ESR1: variants seen among roughly 807,000 people sequenced by gnomAD.
The protein encoded by ESR1 is estrogen receptor.
In ESR1, 12 loss-of-function variants were observed where a neutral mutation model predicts 52.7. The observed-to-expected ratio is 0.23, with a 90% confidence interval of 0.15 to 0.37. ESR1 has a LOEUF of 0.37. ESR1 is among the 10% of genes least tolerant of loss of function. The pLI is 1.00. For synonymous variants in ESR1, 305 were observed against 316.8 expected, an observed-to-expected ratio of 0.96 and a Z score of 0.39; for missense variants, 584 against 779.7, an observed-to-expected ratio of 0.75 and a Z score of 2.99.
intron 5 of ESR1, among the ~76,000 whole-genome samples, chr6:152,057,705 A>ACG (rs2047214821): frequency 1.0e-5 from 1 of 96,674 alleles, no homozygotes; most frequent in South Asian, 3.5e-4. Flanking sequence ...ACACACACAC[A>ACG]CACACACACA....
At chr6:151,753,356 C>T (rs1052087068) in intron 2 of ESR1, among the ~76,000 whole-genome samples, 5 of 148,266 alleles carry the variant, frequency 3.4e-5, no homozygotes, top group African/African-American at 7.6e-5. Context: ...GTCTGACTCT[C>T]GCCCAGGCTG....
At chr6:151,782,243 T>C (rs1786613782) in intron 2 of ESR1, among the ~76,000 whole-genome samples, 1 of 152,246 alleles carries the variant, frequency 6.6e-6, no homozygotes, top group Non-Finnish European at 1.5e-5. Flanking sequence ...TATTTTTTTA[T>C]TTATGAAACT....
At chr6:151,854,420 C>T (rs1329268752) in intron 2 of ESR1, among the ~76,000 whole-genome samples, 1 of 152,024 alleles carries the variant, frequency 6.6e-6, no homozygotes, top group East Asian at 1.9e-4. Context: ...CCTCATATTT[C>T]CATTTTCCTT....
intron 2 of ESR1, among the ~76,000 whole-genome samples, chr6:151,770,542 A>G (rs17081672): frequency 0.014 from 2,194 of 152,216 alleles, 53 homozygotes; most frequent in African/African-American, 0.05. Flanking sequence ...TTCAATGTTT[A>G]ACCAACTGAA....
intron 1 of ESR1, among the ~76,000 whole-genome samples, chr6:151,808,694 G>C (rs796234301): frequency 1.3e-5 from 2 of 152,200 alleles, no homozygotes; most frequent in South Asian, 2.1e-4. Flanking sequence ...ATTTGTGGGG[G>C]AAAACACCTC....
intron 6 of ESR1, chr6:152,118,253 C>T (rs899040470): frequency 1.3e-5 from 2 of 152,188 alleles, no homozygotes; most frequent in African/African-American, 4.8e-5. Flanking sequence ...TTGCCTTCAT[C>T]CCATTTCAGG....
At chr6:152,060,904 T>C in intron 5 of ESR1, 87 bp from the exon 6 acceptor site, 1 of 1,075,990 alleles carries the variant, frequency 9.3e-7, no homozygotes, top group East Asian at 2.6e-5. Flanking sequence ...TGGATTTTTA[T>C]GAATGTGAAC....
chr6:151,850,533 A>G lies in ESR1; in HGVS notation c.643+7746A>G, dbSNP rs994432835. Among the ~76,000 whole-genome samples the G allele has an allele frequency of 2.6e-5, 4 of 152,060 alleles. No homozygotes were observed. The East Asian group carries it at 5.8e-4, about 22-fold the overall frequency. ...ACCAAAGATTGCTGGTGCCTAGGAAACTAATATAATAACATAATATTTGGG... is the reference window on the plus strand; with the variant it reads ...ACCAAAGATTGCTGGTGCCTAGGAAGCTAATATAATAACATAATATTTGGG... On this transcript the variant is annotated intron_variant, in intron 2 of 7. Transcript: ENST00000206249.
chr6:151,882,184 T>C (rs6903108), intron 3 of ESR1, among the ~76,000 whole-genome samples: 4,212 of 152,226 alleles, frequency 0.028, 195 homozygotes, highest in African/African-American at 0.095. Flanking sequence ...GAGATTATGA[T>C]GAAGACAAGC....
At position 151,754,832 on chromosome 6, in the gene ESR1, C is replaced by G. The variant is rs543097165; in HGVS notation, c.-71+52827C>G. Among the ~76,000 whole-genome samples the G allele has an allele frequency of 4.6e-5, 7 of 152,318 alleles. No homozygotes were observed. The South Asian group carries it at 1.4e-3, about 32-fold the overall frequency. On this transcript the variant is annotated intron_variant, in intron 2 of 2. Coordinates refer to the ESR1 transcript ENST00000404742. ...AAACACCACCTATCACTCCCTTTCTCCTTGAACTCTAGACGTGTCCATCCA... is the reference window on the plus strand; with the variant it reads ...AAACACCACCTATCACTCCCTTTCTGCTTGAACTCTAGACGTGTCCATCCA...
chr6:152,000,947 C>T (rs562989106), intron 4 of ESR1, among the ~76,000 whole-genome samples: 1 of 152,024 alleles, frequency 6.6e-6, no homozygotes, highest in Non-Finnish European at 1.5e-5. Flanking sequence ...TATGGCAACC[C>T]GAGGAAACTA....
rs1045504693 is a variant in ESR1 at position 151,834,604 on chromosome 6, C to T, written c.453-7993C>T. On this transcript the variant is annotated intron_variant, in intron 1 of 7. Coordinates refer to ENST00000206249, the MANE Select transcript of ESR1 (RefSeq NM_000125.4). ...TAGGAGAAATACCAAATGTAGATGA[C>T]GGGCTGATGGGTGCAGCAAACCACC... is the stretch of plus-strand genomic sequence containing the variant. Among the ~76,000 whole-genome samples the T allele has an allele frequency of 4.6e-5, 7 of 152,058 alleles. No homozygotes were observed. In the East Asian group the frequency reaches 7.7e-4, roughly 17 times the overall value.
At chr6:151,945,396 T>C (rs1044108861) in intron 4 of ESR1, among the ~76,000 whole-genome samples, 3 of 152,202 alleles carry the variant, frequency 2.0e-5, no homozygotes, top group African/African-American at 7.2e-5. Context: ...AAAGAAACTT[T>C]TAGAAAGACA....
intron 3 of ESR1, among the ~76,000 whole-genome samples, chr6:151,937,611 A>C (rs1246762419): frequency 2.6e-5 from 4 of 152,330 alleles, no homozygotes; most frequent in East Asian, 1.9e-4. Context: ...GTATGAAAGG[A>C]GAGAAGGAAA....
At chr6:152,039,503 T>C (rs1190941609) in intron 5 of ESR1, among the ~76,000 whole-genome samples, 1 of 152,144 alleles carries the variant, frequency 6.6e-6, no homozygotes. Flanking sequence ...AAATCATTAT[T>C]GTGTCTCCTG....
chr6:151,747,738 C>T (rs1344403852), intron 2 of ESR1, among the ~76,000 whole-genome samples: 3 of 152,124 alleles, frequency 2.0e-5, no homozygotes, highest in African/African-American at 7.2e-5. Context: ...ATACAATATG[C>T]GGTCTTTTGC....
chr6:152,103,885 TGA>T (rs2051027649), downstream of ESR1, among the ~76,000 whole-genome samples: 1 of 151,876 alleles, frequency 6.6e-6, no homozygotes, highest in African/African-American at 2.4e-5. Context: ...ATTTAACTGA[TGA>T]ATTGGGAGGG....
intron 2 of ESR1, among the ~76,000 whole-genome samples, chr6:151,848,488 A>T (rs924463338): frequency 6.9e-5 from 10 of 145,552 alleles, no homozygotes; most frequent in Non-Finnish European, 1.2e-4. Flanking sequence ...TAAAAAAAAA[A>T]AATTTAAAAA....
chr6:151,998,148 T>G lies in ESR1; in HGVS notation c.1097-13508T>G, dbSNP rs1584732642. ...TTATTTGCTCTCATATGTTATGGCT[T>G]TAGATTTTCTGTGTAGCTAGGACTG... On this transcript the variant is annotated intron_variant, in intron 4 of 7. Coordinates refer to ENST00000206249, the MANE Select transcript of ESR1 (RefSeq NM_000125.4). 2.6e-5 allele frequency among the ~76,000 whole-genome samples: 4 copies of G among 152,296 alleles called. No individual in the cohort carries two copies. The Middle Eastern group carries it at 0.01, about 389-fold the overall frequency.
Sources: gnomAD v4.1 joint callset for allele counts (sites outside exome capture counted in the v4.1 genomes callset) on GRCh38, gnomAD v4.1.1 for gene constraint, MANE v1.5 for transcripts, NCBI Gene and HGNC (gene_info 2026-07-23, HGNC 2026-07-21) for gene names.